Variants in GRIN2A observed in about 807,000 individuals in gnomAD.
GRIN2A encodes glutamate receptor ionotropic, NMDA 2A.
A neutral mutation model predicts 113.4 loss-of-function variants in GRIN2A; 22 were observed. The observed-to-expected ratio is 0.19, with a 90% CI of 0.14 to 0.28. The LOEUF (loss-of-function observed/expected upper bound fraction) is 0.28. Among genes scored for constraint, GRIN2A ranks in the 10% least tolerant of loss-of-function variants. The pLI is 1.00. For synonymous variants in GRIN2A, 827 were observed against 738.4 expected (o/e 1.12, Z -1.94); for missense variants, 1,502 against 1,887.0 (o/e 0.80, Z 3.78).
At chr16:9,986,351 A>G (rs2045979055) in intron 2 of GRIN2A, among the ~76,000 whole-genome samples, 1 of 152,250 alleles carries the variant, frequency 6.6e-6, no homozygotes, top group Admixed American at 6.5e-5. Flanking sequence ...TAAAATAATA[A>G]GATTGAAAAA....
intron 3 of GRIN2A, among the ~76,000 whole-genome samples, chr16:9,905,186 C>T (rs528659496): frequency 6.6e-6 from 1 of 152,264 alleles, no homozygotes; most frequent in East Asian, 1.9e-4. Flanking sequence ...TCTCTGCAAT[C>T]ATTTAGAGTT....
Position 9,985,522 on chromosome 16 carries a change from G to T in GRIN2A, c.415-46971C>A, listed in dbSNP as rs543938436. On this transcript the variant is annotated intron_variant, in intron 2 of 12. Coordinates refer to ENST00000330684, the MANE Select transcript of GRIN2A (RefSeq NM_001134407.3). ...ACTGTACAGCCATGAAAAAGAATGA[G>T]ATCCTGTCATTTGCAACAATATGGA... is the stretch of plus-strand genomic sequence containing the variant. 2.6e-5 allele frequency among the ~76,000 whole-genome samples: 4 copies of T among 152,092 alleles called. No individual in the cohort carries two copies. The East Asian group carries it at 7.7e-4, about 29-fold the overall frequency.
chr16:10,008,218 A>G (rs545155477), intron 2 of GRIN2A, among the ~76,000 whole-genome samples: 2 of 152,230 alleles, frequency 1.3e-5, no homozygotes, highest in East Asian at 3.9e-4. Flanking sequence ...GCCTTCCCCA[A>G]TCCCCTTATT....
rs1596374956 is a variant in GRIN2A, at chr16:9,763,698, G to A, written c.3846C>T (p.Asn1282=). 1.2e-6 allele frequency: 2 copies of A among 1,614,064 alleles called. No homozygotes were observed. Among genetic ancestry groups the A allele is most frequent in the Non-Finnish European group, 1.7e-6 (2 of 1,179,992 alleles). ...AATGCTGACGGCTAATCCTTAGCTTGTTCTTTTGTAATTGAAGGGCATTGT... is the reference window on the plus strand; with the variant it reads ...AATGCTGACGGCTAATCCTTAGCTTATTCTTTTGTAATTGAAGGGCATTGT... ...AQNNALQLQK[N]KLRISRQHSY... Residue 1282 remains asparagine (N), a synonymous_variant, in exon 13 of 13, where the codon AAC becomes AAT. Coordinates refer to ENST00000330684, the MANE Select transcript of GRIN2A (RefSeq NM_001134407.3).
chr16:10,002,410 C>A (rs571773267), intron 2 of GRIN2A, among the ~76,000 whole-genome samples: 2 of 152,210 alleles, frequency 1.3e-5, no homozygotes. Context: ...CTAGGGAGAG[C>A]TGACCACAGA....
chr16:9,878,500 GA>G (rs567222211), intron 4 of GRIN2A, among the ~76,000 whole-genome samples: 88 of 152,244 alleles, frequency 5.8e-4, no homozygotes, highest in African/African-American at 2.0e-3. Context: ...TTGGGAGACT[GA>G]AACAAGATTA....
chr16:10,043,676 CA>C (rs1378867056), intron 2 of GRIN2A, among the ~76,000 whole-genome samples: 1 of 152,146 alleles, frequency 6.6e-6, no homozygotes, highest in East Asian at 1.9e-4. Flanking sequence ...CAGAACCACA[CA>C]GCTTAGTGCT....
chr16:9,820,685 G>C (rs921373979), intron 10 of GRIN2A, among the ~76,000 whole-genome samples: 1 of 152,096 alleles, frequency 6.6e-6, no homozygotes, highest in African/African-American at 2.4e-5. Flanking sequence ...AAAACAGCAG[G>C]CACCAAGAAT....
intron 2 of GRIN2A, among the ~76,000 whole-genome samples, chr16:10,040,242 C>T (rs1395897462): frequency 7.1e-6 from 1 of 141,638 alleles, no homozygotes; most frequent in Non-Finnish European, 1.5e-5. Context: ...CACATTCACA[C>T]CACACACACA....
At chr16:9,993,375 C>A (rs1254936590) in intron 2 of GRIN2A, among the ~76,000 whole-genome samples, 1 of 151,878 alleles carries the variant, frequency 6.6e-6, no homozygotes, top group African/African-American at 2.4e-5. Flanking sequence ...CATAGTGAAA[C>A]CCCATCTCTA....
At chr16:9,820,711 T>G (rs1262499690) in intron 10 of GRIN2A, among the ~76,000 whole-genome samples, 1 of 152,130 alleles carries the variant, frequency 6.6e-6, no homozygotes, top group Non-Finnish European at 1.5e-5. Context: ...GCTTTAGAAG[T>G]GCAGGTGGCG....
rs375922984 is a variant in GRIN2A at position 9,834,244 on chromosome 16, G to C, written c.1652-14C>G. ...CGCTGAATGGTTCTGCAAATAAACA[G>C]ATAAAGGAATGGAAACGTGGTTAGT... is the stretch of plus-strand genomic sequence containing the variant. On this transcript the variant is annotated splice_polypyrimidine_tract_variant and intron_variant, in intron 7 of 12. Coordinates refer to ENST00000330684, the MANE Select transcript of GRIN2A (RefSeq NM_001134407.3). The C allele has an allele frequency of 1.9e-5, 31 of 1,613,734 alleles. No individual in the cohort carries two copies. In the African/African-American group the frequency reaches 3.9e-4, roughly 20 times the overall value.
chr16:10,106,931 T>C (rs2048511640), intron 2 of GRIN2A, among the ~76,000 whole-genome samples: 2 of 152,036 alleles, frequency 1.3e-5, no homozygotes, highest in Non-Finnish European at 2.9e-5. Context: ...TGCCATTACC[T>C]CCATTTTCAG....
At chr16:9,833,742 T>G (rs1470683557) in intron 8 of GRIN2A, among the ~76,000 whole-genome samples, 1 of 152,206 alleles carries the variant, frequency 6.6e-6, no homozygotes, top group Non-Finnish European at 1.5e-5. Flanking sequence ...GTGTGTGTGA[T>G]TGAGTCTCGC....
At chr16:10,065,648 C>T (rs2047634934) in intron 2 of GRIN2A, among the ~76,000 whole-genome samples, 2 of 152,332 alleles carry the variant, frequency 1.3e-5, no homozygotes, top group African/African-American at 4.8e-5. Flanking sequence ...GGATGAAGGG[C>T]ATCTAGCATA....
intron 2 of GRIN2A, among the ~76,000 whole-genome samples, chr16:10,043,422 C>G (rs1334562523): frequency 6.6e-6 from 1 of 152,208 alleles, no homozygotes; most frequent in Non-Finnish European, 1.5e-5. Context: ...CAAGCCCAAA[C>G]TTTAAATGCT....
chr16:10,027,388 C>A (rs2046844494), intron 2 of GRIN2A, among the ~76,000 whole-genome samples: 1 of 152,158 alleles, frequency 6.6e-6, no homozygotes, highest in Non-Finnish European at 1.5e-5. Context: ...TGCCAGTGCT[C>A]CAAGGAACGT....
At chr16:10,141,742 C>T (rs1053443248) in intron 2 of GRIN2A, among the ~76,000 whole-genome samples, 1 of 152,232 alleles carries the variant, frequency 6.6e-6, no homozygotes, top group Non-Finnish European at 1.5e-5. Flanking sequence ...TACACTATGG[C>T]ATGCCATCCT....
chr16:9,783,280 A>G (rs1223909776), intron 11 of GRIN2A, among the ~76,000 whole-genome samples: 2 of 152,250 alleles, frequency 1.3e-5, no homozygotes, highest in African/African-American at 2.4e-5. Flanking sequence ...GTCTACACGT[A>G]TAAGGAATCA....
Sources: gnomAD v4.1 joint callset for allele counts (sites outside exome capture counted in the v4.1 genomes callset) on GRCh38, gnomAD v4.1.1 for gene constraint, MANE v1.5 for transcripts, NCBI Gene and HGNC (gene_info 2026-07-23, HGNC 2026-07-21) for gene names.